The following ADAMTSL1 variants were observed in gnomAD, a reference collection of about 807,000 sequenced individuals.
The protein encoded by ADAMTSL1 is ADAMTS-like protein 1.
ADAMTSL1 carries 126 observed loss-of-function variants against 201.8 expected under a neutral mutation model. The observed-to-expected ratio is 0.62, with a 90% CI of 0.54 to 0.72. The LOEUF is 0.72. Among genes scored for constraint, ADAMTSL1 ranks in the 30% least tolerant of loss-of-function variants. The pLI is 0.00. For missense variants in ADAMTSL1, 2,679 were observed against 2,277.8 expected (o/e 1.18, Z -3.59); for synonymous variants, 1,121 against 903.4 (o/e 1.24, Z -4.32).
intron 1 of ADAMTSL1, among the ~76,000 whole-genome samples, chr9:18,154,512 A>G (rs560645507): frequency 4.6e-5 from 7 of 152,048 alleles, no homozygotes; most frequent in African/African-American, 1.2e-4. Context: ...CAGCCTCTCC[A>G]CTTGGCTGCT....
chr9:18,199,903 G>C (rs1829363146), intron 2 of ADAMTSL1, among the ~76,000 whole-genome samples: 1 of 151,764 alleles, frequency 6.6e-6, no homozygotes, highest in South Asian at 2.1e-4. Flanking sequence ...TTTTTTTCCT[G>C]TTAGATTTGT....
chr9:18,306,641 G>GA (rs1251680747), intron 2 of ADAMTSL1, among the ~76,000 whole-genome samples: 4 of 151,966 alleles, frequency 2.6e-5, no homozygotes, highest in Non-Finnish European at 4.4e-5. Context: ...CAAGATTAGA[G>GA]AAAAAAAGAA....
chr9:18,682,715 T>G (rs538681914), intron 12 of ADAMTSL1, among the ~76,000 whole-genome samples: 2 of 152,334 alleles, frequency 1.3e-5, no homozygotes, highest in East Asian at 3.9e-4. Flanking sequence ...TGGCTCCCAT[T>G]TCTTTATTTT....
chr9:18,480,112 G>A (rs1336382195), intron 1 of ADAMTSL1, among the ~76,000 whole-genome samples: 1 of 152,070 alleles, frequency 6.6e-6, no homozygotes, highest in African/African-American at 2.4e-5. Flanking sequence ...GGAAGAAAAC[G>A]ATACTTACAT....
At chr9:18,293,281 C>T (rs1048747487) in intron 2 of ADAMTSL1, among the ~76,000 whole-genome samples, 3 of 152,214 alleles carry the variant, frequency 2.0e-5, no homozygotes, top group Admixed American at 6.5e-5. Flanking sequence ...ATGTTTGTCC[C>T]GTAATGGGAT....
intron 1 of ADAMTSL1, among the ~76,000 whole-genome samples, chr9:18,063,992 C>G (rs909266186): frequency 6.6e-6 from 1 of 152,120 alleles, no homozygotes; most frequent in Non-Finnish European, 1.5e-5. Flanking sequence ...CCCTTCTCTC[C>G]CCTCATTCAT....
At chr9:18,869,494 A>G (rs6475265) in intron 23 of ADAMTSL1, among the ~76,000 whole-genome samples, 109,183 of 152,192 alleles carry the variant, frequency 0.72, 39,991 homozygotes, top group African/African-American at 0.88. Context: ...CCATTTTCTA[A>G]TATTTATGGC....
At chr9:18,301,598 T>C (rs967570840) in intron 2 of ADAMTSL1, among the ~76,000 whole-genome samples, 4 of 152,216 alleles carry the variant, frequency 2.6e-5, no homozygotes, top group African/African-American at 7.2e-5. Flanking sequence ...GTCATGTGAA[T>C]GTGATCTCTC....
At chr9:17,946,433 C>T (rs943324730) in intron 1 of ADAMTSL1, among the ~76,000 whole-genome samples, 4 of 152,050 alleles carry the variant, frequency 2.6e-5, no homozygotes, top group Admixed American at 2.0e-4. Context: ...ATTTCACCCC[C>T]CAGTGAACTT....
intron 1 of ADAMTSL1, among the ~76,000 whole-genome samples, chr9:18,110,952 A>T (rs1824981260): frequency 2.6e-5 from 4 of 152,040 alleles, no homozygotes; most frequent in East Asian, 3.9e-4. Flanking sequence ...TGAAGCAAAT[A>T]CTCTTCACAC....
intron 4 of ADAMTSL1, among the ~76,000 whole-genome samples, chr9:18,599,904 G>C (rs1003540381): frequency 1.3e-5 from 2 of 148,266 alleles, no homozygotes; most frequent in South Asian, 4.2e-4. Flanking sequence ...TGTAATCCCA[G>C]CACTTTGGGA....
intron 2 of ADAMTSL1, among the ~76,000 whole-genome samples, chr9:18,192,017 A>G (rs1378881102): frequency 7.9e-5 from 12 of 152,162 alleles, no homozygotes; most frequent in Non-Finnish European, 1.5e-5. Flanking sequence ...TATGATCGTT[A>G]CGGTGTTTGA....
intron 2 of ADAMTSL1, among the ~76,000 whole-genome samples, chr9:18,411,144 G>A (rs1386173893): frequency 2.0e-5 from 3 of 150,484 alleles, no homozygotes; most frequent in Non-Finnish European, 3.0e-5. Context: ...TTTCAGGCGT[G>A]AGCCACTGCA....
intron 1 of ADAMTSL1, among the ~76,000 whole-genome samples, chr9:18,007,738 G>C (rs1242422711): frequency 6.6e-6 from 1 of 151,708 alleles, no homozygotes; most frequent in Non-Finnish European, 1.5e-5. Flanking sequence ...TAAGCTAAAT[G>C]TTCTGATGTT....
chr9:18,472,284 T>C (rs1821245856), upstream of ADAMTSL1, among the ~76,000 whole-genome samples: 2 of 152,198 alleles, frequency 1.3e-5, no homozygotes, highest in African/African-American at 4.8e-5. Flanking sequence ...AAAACAATAG[T>C]GGAAAGACAA....
chr9:18,825,936 C>CT (rs1385584008), intron 21 of ADAMTSL1, among the ~76,000 whole-genome samples: 1 of 152,184 alleles, frequency 6.6e-6, no homozygotes, highest in East Asian at 1.9e-4. Context: ...TTTGGGTACT[C>CT]TCCTTCCACC....
At chr9:18,466,033 G>T (rs1234890107) in intron 2 of ADAMTSL1, among the ~76,000 whole-genome samples, 3 of 152,174 alleles carry the variant, frequency 2.0e-5, no homozygotes, top group Non-Finnish European at 4.4e-5. Flanking sequence ...TTACAGGAGT[G>T]AGCCACTGTG....
chr9:18,271,461 T>A (rs921183588), intron 2 of ADAMTSL1, among the ~76,000 whole-genome samples: 2 of 152,140 alleles, frequency 1.3e-5, no homozygotes, highest in African/African-American at 4.8e-5. Flanking sequence ...TTACTGAGAA[T>A]GATGGTTTCC....
intron 19 of ADAMTSL1, among the ~76,000 whole-genome samples, chr9:18,782,031 G>C (rs76899227): frequency 0.014 from 2,152 of 152,244 alleles, 70 homozygotes; most frequent in African/African-American, 0.047. Flanking sequence ...TCGTTTACAG[G>C]GTGTCCTTAG....
Sources: gnomAD v4.1 joint callset for allele counts (sites outside exome capture counted in the v4.1 genomes callset) on GRCh38, gnomAD v4.1.1 for gene constraint, MANE v1.5 for transcripts, NCBI Gene and HGNC (gene_info 2026-07-23, HGNC 2026-07-21) for gene names.